The following ENTPD6 variants were observed in gnomAD, a reference collection of about 807,000 sequenced individuals.
The protein encoded by ENTPD6 is CD39 antigen-like 2.
A neutral mutation model predicts 61.5 loss-of-function variants in ENTPD6; 46 were observed. The observed-to-expected ratio is 0.75, with a 90% CI of 0.59 to 0.96. ENTPD6 has a LOEUF of 0.96. Among genes scored for constraint, ENTPD6 ranks in the 40% least tolerant of loss-of-function variants. The pLI is 0.00. For synonymous variants in ENTPD6, 252 were observed against 255.5 expected, an observed-to-expected ratio of 0.99 and a Z score of 0.13; for missense variants, 612 against 629.0, an observed-to-expected ratio of 0.97 and a Z score of 0.29.
At position 25,206,526 on chromosome 20, in the gene ENTPD6, G is replaced by A; in HGVS notation, c.-11G>A. Reference sequence around the variant, plus strand: ...ACATTATTTTCTCCTTGGCAGGAATGGGCTATGTGAATGAAAAAAGGTATC... The same window carrying A: ...ACATTATTTTCTCCTTGGCAGGAATAGGCTATGTGAATGAAAAAAGGTATC... On this transcript the variant is annotated 5_prime_UTR_variant, in exon 2 of 15. The change abolishes an upstream ATG in the 5' untranslated region. Transcript: ENST00000376652. 1 of 1,612,438 alleles carries A rather than the reference G, an allele frequency of 6.2e-7. No homozygotes were observed. Among genetic ancestry groups the A allele is most frequent in the Non-Finnish European group, 8.5e-7 (1 of 1,178,412 alleles).
intron 9 of ENTPD6, 52 bp from the exon 10 acceptor site, chr20:25,218,498 A>G: frequency 6.5e-7 from 1 of 1,549,830 alleles, no homozygotes; most frequent in Non-Finnish European, 8.8e-7. Context: ...TGAGCCTGCC[A>G]TGACCTGTAC....
chr20:25,201,132 C>A (rs1485940809), intron 1 of ENTPD6, among the ~76,000 whole-genome samples: 1 of 152,230 alleles, frequency 6.6e-6, no homozygotes, highest in Admixed American at 6.5e-5. Context: ...AGTTTTCCTT[C>A]TGCTGTTGAT....
intron 3 of ENTPD6, among the ~76,000 whole-genome samples, chr20:25,209,399 C>T (rs926225542): frequency 1.6e-4 from 24 of 151,648 alleles, no homozygotes; most frequent in Admixed American, 1.5e-3. Flanking sequence ...CGTGAGCCAC[C>T]GTGCCTGGCC....
rs776949636 is a variant in ENTPD6 at position 25,226,180 on chromosome 20, C to T, written c.*583C>T. On this transcript the variant is annotated 3_prime_UTR_variant, in exon 15 of 15. Coordinates refer to ENST00000376652, the MANE Select transcript of ENTPD6 (RefSeq NM_001247.5). ...ATGAATGTGTGAGTTCACCCAGAGGCCTGCTCTCCTCACACATTGTGTGGT... is the reference window on the plus strand; with the variant it reads ...ATGAATGTGTGAGTTCACCCAGAGGTCTGCTCTCCTCACACATTGTGTGGT... The T allele has an allele frequency of 2.0e-5, 3 of 152,824 alleles. No homozygotes were observed. Among genetic ancestry groups the T allele is most frequent in the South Asian group, 2.1e-4 (1 of 4,842 alleles). 9.5% of individuals were successfully genotyped at this position (152,824 alleles called of 1,614,324 possible).
At chr20:25,196,177 A>G (rs1019113553) in intron 1 of ENTPD6, 39 of 1,204,710 alleles carry the variant, frequency 3.2e-5, no homozygotes, top group Non-Finnish European at 3.5e-5. Flanking sequence ...ACCCGCCCCC[A>G]GTCTGCGTCA....
intron 10 of ENTPD6, among the ~76,000 whole-genome samples, chr20:25,220,432 G>A (rs1350523761): frequency 6.6e-6 from 1 of 151,660 alleles, no homozygotes; most frequent in Admixed American, 6.6e-5. Flanking sequence ...TATGGCTGGG[G>A]CAGCTGTCTA....
intron 11 of ENTPD6, chr20:25,222,625 T>C (rs1299147383): frequency 3.7e-6 from 2 of 536,932 alleles, no homozygotes; most frequent in South Asian, 2.7e-5. Flanking sequence ...CTTCACTCCC[T>C]GCGCCGGGAC....
rs577799059 is a variant in ENTPD6 at position 25,205,881 on chromosome 20, G to C, written c.-15-641G>C. On this transcript the variant is annotated intron_variant, in intron 1 of 14. Transcript: ENST00000376652. Reference sequence around the variant, plus strand: ...GCCTGCTCCCCGTGCTTTGCCCCGCGGGCCCTGTCCTTCCGTTCTGCTGTG... The same window carrying C: ...GCCTGCTCCCCGTGCTTTGCCCCGCCGGCCCTGTCCTTCCGTTCTGCTGTG... Among the ~76,000 whole-genome samples the C allele has an allele frequency of 1.2e-4, 18 of 152,292 alleles. No homozygotes were observed. In the East Asian group the frequency reaches 3.5e-3, roughly 29 times the overall value.
Position 25,213,372 on chromosome 20 carries a change from T to TA in ENTPD6, c.564dup (p.Pro189ThrfsTer17), listed in dbSNP as rs760256563. 1 of 1,613,722 alleles carries TA rather than the reference T, an allele frequency of 6.2e-7. No individual in the cohort carries two copies. Among genetic ancestry groups the TA allele is most frequent in the Admixed American group, 1.7e-5 (1 of 59,980 alleles). On this transcript the variant is annotated frameshift_variant, in exon 5 of 15. Coordinates refer to ENST00000376652, the MANE Select transcript of ENTPD6 (RefSeq NM_001247.5). LOFTEE classifies it high-confidence loss of function. ...AAGGCCACAGCTGGCTTACGCCTGT[T>TA]ACCTGGAGAAAAGGCCCAGAAGTTA... is the stretch of plus-strand genomic sequence containing the variant.
intron 4 of ENTPD6, 66 bp downstream of exon 4, chr20:25,209,991 T>G: frequency 7.2e-7 from 1 of 1,380,744 alleles, no homozygotes; most frequent in African/African-American, 1.4e-5. Context: ...TCTTTTCCTT[T>G]GAATGTGGTA....
rs925873589 is a variant in ENTPD6, at chr20:25,225,624, G to A, written c.*27G>A. On this transcript the variant is annotated 3_prime_UTR_variant, in exon 15 of 15. Coordinates refer to ENST00000376652, the MANE Select transcript of ENTPD6 (RefSeq NM_001247.5). Reference sequence around the variant, plus strand: ...GGCCGAGCCATCCCTGTCCCCGTCAGCAGTGTCTGTGTGTCTGCATAAACC... The same window carrying A: ...GGCCGAGCCATCCCTGTCCCCGTCAACAGTGTCTGTGTGTCTGCATAAACC... 1.1e-5 allele frequency: 18 copies of A among 1,586,890 alleles called. No homozygotes were observed. The highest frequency in any genetic ancestry group is 2.2e-5 in the South Asian group (2 of 90,000).
intron 5 of ENTPD6, 71 bp from the exon 6 acceptor site, chr20:25,214,796 G>C (rs2092219143): frequency 4.1e-6 from 4 of 973,730 alleles, no homozygotes; most frequent in Non-Finnish European, 6.6e-6. Context: ...TGACTAGCTA[G>C]CTAGCTAAAT....
At chr20:25,221,181 C>T in intron 10 of ENTPD6, 51 bp from the exon 11 acceptor site, 2 of 1,450,402 alleles carry the variant, frequency 1.4e-6, no homozygotes, top group African/African-American at 1.4e-5. Flanking sequence ...AGCCCTAGTC[C>T]ATGGCGGTGA....
At chr20:25,218,432 T>G (rs2092460868) in intron 9 of ENTPD6, 118 bp from the exon 10 acceptor site, 2 of 860,174 alleles carry the variant, frequency 2.3e-6, no homozygotes, top group Non-Finnish European at 1.9e-6. Flanking sequence ...GCAGAGAAGC[T>G]CACTAACTGC....
Position 25,213,299 on chromosome 20 carries a change from A to G in ENTPD6, c.490A>G (p.Lys164Glu). ...QGIRELLDVA[K>E]QDIPFDFWKA... ...AATCCGGGAACTACTGGATGTTGCT[A>G]AACAGGACATTCCGTTCGACTTCTG... Residue 164 changes from lysine (K) to glutamate (E), a missense_variant, in exon 5 of 15, where the codon AAA (lysine) becomes GAA (glutamate). Lys to Glu is a moderately conservative substitution (Grantham distance 56). Coordinates refer to ENST00000376652, the MANE Select transcript of ENTPD6 (RefSeq NM_001247.5). 1 of 1,614,248 alleles carries G rather than the reference A, an allele frequency of 6.2e-7. No homozygotes were observed. Among genetic ancestry groups the G allele is most frequent in the Non-Finnish European group, 8.5e-7 (1 of 1,180,044 alleles).
chr20:25,212,416 C>A (rs1370959443), intron 4 of ENTPD6, among the ~76,000 whole-genome samples: 2 of 152,190 alleles, frequency 1.3e-5, no homozygotes, highest in Non-Finnish European at 2.9e-5. Flanking sequence ...GCTTGGGTCA[C>A]CAGGCTGCAG....
chr20:25,195,801 C>T lies in ENTPD6; in HGVS notation c.-82C>T, dbSNP rs2090317793. On this transcript the variant is annotated 5_prime_UTR_variant, in exon 1 of 15. Transcript: ENST00000376652. ...GCCGGGGCGGGGGAGCCCAAAAGAC[C>T]GGCTGCCGCCTGCTCCCCGGAAAAG... 11 of 1,232,956 alleles carry T rather than the reference C, an allele frequency of 8.9e-6. No individual in the cohort carries two copies. The East Asian group carries it at 2.8e-4, about 32-fold the overall frequency. The allele number at this position is 1,232,956 out of a possible 1,614,324, so 76.4% of individuals were successfully genotyped here. A position where few individuals can be genotyped will look rare whatever the true frequency, so the allele number is the denominator to read the frequency against.
intron 4 of ENTPD6, 85 bp from the exon 5 acceptor site, chr20:25,213,178 A>G (rs762443900): frequency 3.2e-5 from 51 of 1,573,432 alleles, no homozygotes; most frequent in Non-Finnish European, 4.2e-5. Flanking sequence ...CCAGAAACCA[A>G]AAAAACCCAA....
intron 13 of ENTPD6, 56 bp from the exon 14 acceptor site, chr20:25,225,149 C>T: frequency 6.4e-6 from 10 of 1,564,576 alleles, no homozygotes; most frequent in Non-Finnish European, 8.6e-6. Flanking sequence ...TGCACTTGCC[C>T]CTCCGCCCCC....
Sources: allele counts gnomAD v4.1 joint callset (sites outside exome capture counted in the v4.1 genomes callset), GRCh38; gene constraint gnomAD v4.1.1; transcripts MANE v1.5; gene names NCBI Gene and HGNC (gene_info 2026-07-23, HGNC 2026-07-21).